Variants in CPED1 observed in about 807,000 individuals in gnomAD.
The protein encoded by CPED1 is cadherin-like and PC-esterase domain-containing protein 1.
In CPED1, 114 loss-of-function variants were observed where a neutral mutation model predicts 128.2. That is an observed-to-expected ratio of 0.89 (90% confidence interval 0.76 to 1.04). The LOEUF (loss-of-function observed/expected upper bound fraction) is 1.04. Among genes scored for constraint, CPED1 ranks in the 50% least tolerant of loss-of-function variants. CPED1 has a pLI of 0.00. For missense variants in CPED1, 1,211 were observed against 1,207.1 expected (o/e 1.00, Z -0.05); for synonymous variants, 462 against 426.7 (o/e 1.08, Z -1.02).
At chr7:121,265,606 C>T (rs951639622) in intron 18 of CPED1, among the ~76,000 whole-genome samples, 12 of 151,860 alleles carry the variant, frequency 7.9e-5, no homozygotes, top group Admixed American at 3.9e-4. Flanking sequence ...GAAGGGAGAC[C>T]CAGTAGGAGA....
intron 5 of CPED1, chr7:121,076,636 T>C (rs1314992665): frequency 4.6e-5 from 7 of 152,176 alleles, no homozygotes; most frequent in African/African-American, 1.7e-4. Context: ...GAGGATGGAA[T>C]AGGAAGACAA....
intron 4 of CPED1, among the ~76,000 whole-genome samples, chr7:121,056,361 C>A (rs1329398043): frequency 2.0e-5 from 3 of 151,948 alleles, no homozygotes. Context: ...CTTGTTAATT[C>A]TTATTAAAAA....
chr7:121,045,519 T>C (rs1301253129), intron 3 of CPED1, among the ~76,000 whole-genome samples: 1 of 152,190 alleles, frequency 6.6e-6, no homozygotes, highest in Non-Finnish European at 1.5e-5. Flanking sequence ...TATTAATACT[T>C]TTCTCATAAA....
At chr7:121,158,153 T>A (rs1039930966) in intron 16 of CPED1, among the ~76,000 whole-genome samples, 1 of 152,208 alleles carries the variant, frequency 6.6e-6, no homozygotes, top group African/African-American at 2.4e-5. Context: ...AATTATTGGG[T>A]CATGGTATCA....
chr7:121,049,032 T>C (rs1224953251), intron 4 of CPED1, among the ~76,000 whole-genome samples: 1 of 152,236 alleles, frequency 6.6e-6, no homozygotes, highest in Non-Finnish European at 1.5e-5. Context: ...TGAACTAGCC[T>C]TTTTACATCT....
At chr7:121,076,580 T>TATTC (rs2116114382) in intron 5 of CPED1, 1 of 152,274 alleles carries the variant, frequency 6.6e-6, no homozygotes, top group East Asian at 1.9e-4. Context: ...AGTCTTTTAG[T>TATTC]ATTCGTTCAC....
chr7:121,269,408 C>T (rs775628708), intron 21 of CPED1, among the ~76,000 whole-genome samples: 12 of 151,916 alleles, frequency 7.9e-5, no homozygotes, highest in Non-Finnish European at 1.5e-4. Flanking sequence ...TTGATGAGTA[C>T]CTAGGTTGGT....
At chr7:121,236,623 T>C in intron 16 of CPED1, 91 bp from the exon 17 acceptor site, 1 of 667,286 alleles carries the variant, frequency 1.5e-6, no homozygotes, top group Non-Finnish European at 2.5e-6. Context: ...TCCATAAAGG[T>C]TATTTGCCAC....
At chr7:121,003,724 G>T (rs1160050279) in intron 2 of CPED1, among the ~76,000 whole-genome samples, 1 of 152,168 alleles carries the variant, frequency 6.6e-6, no homozygotes. Flanking sequence ...CACCTCTCGA[G>T]GGAAAGCATG....
chr7:121,145,250 A>T (rs989331703), intron 16 of CPED1, among the ~76,000 whole-genome samples: 1 of 152,060 alleles, frequency 6.6e-6, no homozygotes, highest in African/African-American at 2.4e-5. Flanking sequence ...ACGTTTCTCC[A>T]ATGTTGTATT....
intron 16 of CPED1, among the ~76,000 whole-genome samples, chr7:121,167,334 C>T (rs1267393871): frequency 2.6e-5 from 4 of 152,106 alleles, no homozygotes; most frequent in African/African-American, 9.7e-5. Flanking sequence ...TTCCTTGGCC[C>T]CTGTAGAAGT....
intron 16 of CPED1, among the ~76,000 whole-genome samples, chr7:121,201,262 G>A (rs1164020420): frequency 2.6e-5 from 4 of 151,832 alleles, no homozygotes; most frequent in Non-Finnish European, 5.9e-5. Context: ...GTAACACCCC[G>A]CTCCACCAAA....
chr7:121,216,573 C>T (rs1797764477), intron 16 of CPED1, among the ~76,000 whole-genome samples: 1 of 151,932 alleles, frequency 6.6e-6, no homozygotes. Context: ...AGACTCCCAC[C>T]TACCCAGAGA....
At chr7:121,170,079 T>C (rs1401576352) in intron 16 of CPED1, among the ~76,000 whole-genome samples, 1 of 152,212 alleles carries the variant, frequency 6.6e-6, no homozygotes, top group Non-Finnish European at 1.5e-5. Context: ...TGTCTTGCCA[T>C]GCCTGCCACC....
chr7:121,127,640 A>G (rs1298925311), intron 10 of CPED1, among the ~76,000 whole-genome samples: 1 of 149,084 alleles, frequency 6.7e-6, no homozygotes, highest in Admixed American at 6.7e-5. Flanking sequence ...GGTTCAAGAG[A>G]TTCTCTTGCC....
chr7:121,207,917 C>T (rs901931621), intron 16 of CPED1, among the ~76,000 whole-genome samples: 1 of 151,936 alleles, frequency 6.6e-6, no homozygotes, highest in African/African-American at 2.4e-5. Context: ...TACTTCAGTG[C>T]TCATAACTTC....
At chr7:120,990,933 A>G (rs969336235) in intron 2 of CPED1, among the ~76,000 whole-genome samples, 1 of 152,236 alleles carries the variant, frequency 6.6e-6, no homozygotes, top group Non-Finnish European at 1.5e-5. Flanking sequence ...AGACAGGTAC[A>G]GTAGATAGGA....
intron 16 of CPED1, among the ~76,000 whole-genome samples, chr7:121,234,398 A>G (rs1194551011): frequency 6.6e-6 from 1 of 152,122 alleles, no homozygotes; most frequent in Non-Finnish European, 1.5e-5. Flanking sequence ...AATTGAACAC[A>G]ACATCTCAGT....
intron 2 of CPED1, among the ~76,000 whole-genome samples, chr7:120,996,318 T>G (rs1016737475): frequency 6.6e-6 from 1 of 151,632 alleles, no homozygotes; most frequent in African/African-American, 2.4e-5. Context: ...CCTTAGAAAT[T>G]TTTAATAGAG....
Sources: allele counts gnomAD v4.1 joint callset (sites outside exome capture counted in the v4.1 genomes callset), GRCh38; gene constraint gnomAD v4.1.1; transcripts MANE v1.5; gene names NCBI Gene and HGNC (gene_info 2026-07-23, HGNC 2026-07-21).